Variants in COL5A1 observed in about 807,000 individuals in gnomAD.
The protein encoded by COL5A1 is collagen type V alpha 1 chain.
Under a neutral mutation model 263.7 loss-of-function variants are expected in COL5A1, and 16 were observed. The observed-to-expected ratio is 0.06, with a 90% CI of 0.04 to 0.09. The LOEUF (loss-of-function observed/expected upper bound fraction) is 0.09, where lower values mean the gene tolerates loss of function less well. COL5A1 is among the 10% of genes least tolerant of loss of function. The probability of loss-of-function intolerance (pLI) is 1.00; values close to 1 mark genes in which losing one functional copy is unlikely to be tolerated. For synonymous variants in COL5A1, 1,012 were observed against 1,004.5 expected, an observed-to-expected ratio of 1.01 and a Z score of -0.14; for missense variants, 2,036 against 2,540.5, an observed-to-expected ratio of 0.80 and a Z score of 4.27.
At chr9:134,786,384 A>G (rs1353933167) in intron 31 of COL5A1, among the ~76,000 whole-genome samples, 1 of 152,108 alleles carries the variant, frequency 6.6e-6, no homozygotes, top group Non-Finnish European at 1.5e-5. Flanking sequence ...TTCTGCATTA[A>G]TTTGCCGAGT....
intron 27 of COL5A1, among the ~76,000 whole-genome samples, chr9:134,776,002 T>C (rs1422700009): frequency 6.6e-6 from 1 of 152,206 alleles, no homozygotes; most frequent in Non-Finnish European, 1.5e-5. Context: ...TTCAGTGACA[T>C]GCCCCAGATT....
chr9:134,654,951 A>G (rs941633839), intron 1 of COL5A1, among the ~76,000 whole-genome samples: 92 of 7,000 alleles, frequency 0.013, no homozygotes, highest in East Asian at 0.016. Context: ...GGGTGTGTAG[A>G]GCTGGGGGAG....
At chr9:134,768,654 T>C (rs1452206401) in intron 25 of COL5A1, among the ~76,000 whole-genome samples, 191 bp downstream of exon 25, 3 of 152,230 alleles carry the variant, frequency 2.0e-5, no homozygotes, top group African/African-American at 7.2e-5. Flanking sequence ...CTTAACATCA[T>C]GGATTTTAAT....
At chr9:134,658,504 C>T (rs1832094647) in intron 1 of COL5A1, among the ~76,000 whole-genome samples, 1 of 152,194 alleles carries the variant, frequency 6.6e-6, no homozygotes, top group Non-Finnish European at 1.5e-5. Flanking sequence ...ACGCCCTGGG[C>T]CCCTTCACAT....
At chr9:134,830,529 T>G (rs1205879260) in intron 64 of COL5A1, among the ~76,000 whole-genome samples, 1 of 152,176 alleles carries the variant, frequency 6.6e-6, no homozygotes, top group Non-Finnish European at 1.5e-5. Flanking sequence ...GCTTTCACTG[T>G]GTCTGATGGC....
intron 4 of COL5A1, among the ~76,000 whole-genome samples, chr9:134,720,261 C>T (rs1834404503): frequency 1.3e-5 from 2 of 152,246 alleles, no homozygotes; most frequent in Admixed American, 6.5e-5. Flanking sequence ...GCTTCCTGTC[C>T]CCATCCCCTG....
Position 134,642,246 on chromosome 9 carries a change from T to C in COL5A1, c.59T>C (p.Leu20Pro). ...GCGCTCCGCCCGGGCGCCCCGCTGC[T>C]GCCCCCGCTGCTGCTGCTGCTGCTG... Reference protein sequence around the residue: ...RSALRPGAPLLPPLLLLLLWA... With the variant: ...RSALRPGAPLPPPLLLLLLWA... Residue 20 changes from leucine to proline, a missense_variant, in exon 1 of 66, where the codon CTG becomes CCG. Leu to Pro is a moderately conservative substitution (Grantham distance 98). Around this residue, in one of 3 missense-constraint regions of COL5A1, gnomAD observed 600 missense variants for 634.5 expected, o/e 0.95. Transcript: ENST00000371817. This position sits in a 1 kb window ranked among gnomAD's most constrained non-coding sequence, Gnocchi z 4.5. 1 of 1,280,318 alleles carries C rather than the reference T, an allele frequency of 7.8e-7. No homozygotes were observed. The highest frequency in any genetic ancestry group is 9.9e-7 in the Non-Finnish European group (1 of 1,008,044). The allele number at this position is 1,280,318 out of a possible 1,614,324, so 79.3% of individuals were successfully genotyped here.
chr9:134,792,847 GTGCGCACACGTGTGTGTGCGCGCGTT>G (rs1187595288), intron 32 of COL5A1, among the ~76,000 whole-genome samples: 16 of 141,544 alleles, frequency 1.1e-4, no homozygotes, highest in African/African-American at 4.2e-4. Flanking sequence ...GTATGTGTGT[GTGCGCACACGTGTGTGTGCGCGCGTT>G]TGTGCACACG....
intron 19 of COL5A1, among the ~76,000 whole-genome samples, chr9:134,762,722 C>T (rs1253022607): frequency 6.6e-6 from 1 of 152,166 alleles, no homozygotes; most frequent in Non-Finnish European, 1.5e-5. Flanking sequence ...GAAAGAGGAG[C>T]AGCTCCAGGG....
rs183037112 is a variant in COL5A1, at chr9:134,716,952, C to A, written c.655-10314C>A. Reference sequence around the variant, plus strand: ...AATTTCCGACGACATGAAAATATTTCTCTGACACTCTCGTTAATAGTGTGA... The same window carrying A: ...AATTTCCGACGACATGAAAATATTTATCTGACACTCTCGTTAATAGTGTGA... On this transcript the variant is annotated intron_variant, in intron 4 of 65. Coordinates refer to ENST00000371817, the MANE Select transcript of COL5A1 (RefSeq NM_000093.5). This position sits in a 1 kb window ranked among gnomAD's most constrained non-coding sequence, Gnocchi z 4.5. Among the ~76,000 whole-genome samples the A allele has an allele frequency of 1.3e-5, 2 of 152,294 alleles. No individual in the cohort carries two copies. Among genetic ancestry groups the A allele is most frequent in the East Asian group, 3.9e-4 (2 of 5,182 alleles).
chr9:134,767,932 G>C (rs1836734906), intron 24 of COL5A1, among the ~76,000 whole-genome samples: 1 of 152,234 alleles, frequency 6.6e-6, no homozygotes, highest in South Asian at 2.1e-4. Flanking sequence ...AACACAGAGG[G>C]CTGGGCTGCT....
At chr9:134,643,122 G>T (rs1028288848) in intron 1 of COL5A1, among the ~76,000 whole-genome samples, 1 of 152,200 alleles carries the variant, frequency 6.6e-6, no homozygotes, top group Admixed American at 6.5e-5. Flanking sequence ...TCAAGGCGGG[G>T]ACTGTCTGCG....
intron 18 of COL5A1, among the ~76,000 whole-genome samples, chr9:134,759,848 C>G (rs796148871): frequency 3.0e-5 from 2 of 67,400 alleles, no homozygotes; most frequent in Non-Finnish European, 4.8e-5. Context: ...TCACGCACAC[C>G]CCCACACCCC....
Position 134,716,382 on chromosome 9 carries a change from C to G in COL5A1, c.655-10884C>G, listed in dbSNP as rs1241529549. ...TGGCTTCCTTCTGGGGAGCCTGGAC[C>G]GAGTGAACATCCCCTGTGCTCAGCG... On this transcript the variant is annotated intron_variant, in intron 4 of 65. Coordinates refer to ENST00000371817, the MANE Select transcript of COL5A1 (RefSeq NM_000093.5). This position sits in a 1 kb window ranked among gnomAD's most constrained non-coding sequence, Gnocchi z 4.5. Among the ~76,000 whole-genome samples, 1 of 152,110 alleles carries G rather than the reference C, an allele frequency of 6.6e-6. No homozygotes were observed. The highest frequency in any genetic ancestry group is 2.4e-5 in the African/African-American group (1 of 41,400).
At chr9:134,733,780 A>G (rs1002130294) in intron 9 of COL5A1, among the ~76,000 whole-genome samples, 2 of 152,254 alleles carry the variant, frequency 1.3e-5, no homozygotes, top group Admixed American at 6.5e-5. Context: ...AGCAGAGGCT[A>G]CATCCAAGGT....
At chr9:134,708,195 G>A (rs1273028112) in intron 4 of COL5A1, among the ~76,000 whole-genome samples, 1 of 152,222 alleles carries the variant, frequency 6.6e-6, no homozygotes, top group African/African-American at 2.4e-5. Flanking sequence ...TGGATGTGAT[G>A]TGTGCACCTG....
chr9:134,799,415 C>T (rs1292323841), intron 37 of COL5A1, among the ~76,000 whole-genome samples: 1 of 152,222 alleles, frequency 6.6e-6, no homozygotes, highest in African/African-American at 2.4e-5. Context: ...TGTGTTCCTT[C>T]TCCGAGTGCC....
chr9:134,797,070 AC>A (rs1310474692), intron 36 of COL5A1, among the ~76,000 whole-genome samples, 169 bp downstream of exon 36: 18 of 149,870 alleles, frequency 1.2e-4, no homozygotes, highest in Admixed American at 5.3e-4. Context: ...TGAGGGGGAG[AC>A]CCCCCCACCG....
chr9:134,772,678 G>A, intron 25 of COL5A1, 112 bp from the exon 26 acceptor site: 1 of 1,166,862 alleles, frequency 8.6e-7, no homozygotes, highest in Non-Finnish European at 1.3e-6. Context: ...AGTTTTCCTG[G>A]GGAGGAAGGG....
Sources: gnomAD v4.1 joint callset for allele counts (sites outside exome capture counted in the v4.1 genomes callset) on GRCh38, gnomAD v4.1.1 for gene constraint, gnomAD v4.1.1 regional missense constraint, Gnocchi (gnomAD v3.1) non-coding constraint, MANE v1.5 for transcripts, NCBI Gene and HGNC (gene_info 2026-07-23, HGNC 2026-07-21) for gene names.